Variants in MATCAP1 observed in about 807,000 individuals in gnomAD.
MATCAP1 encodes microtubule associated tyrosine carboxypeptidase 1.
the MATCAP1 span, among the ~76,000 whole-genome samples, chr16:67,182,686 G>A: frequency 6.6e-6 from 1 of 152,202 alleles, no homozygotes; most frequent in African/African-American, 2.4e-5. Flanking sequence ...AACAGAATAT[G>A]TCCTCTGTCT....
the MATCAP1 span, chr16:67,178,320 G>A: frequency 6.3e-7 from 1 of 1,582,316 alleles, no homozygotes; most frequent in Non-Finnish European, 8.6e-7. Context: ...TGCGCGCGGC[G>A]CGGTGGATGG....
chr16:67,176,200 C>CAGG, the MATCAP1 span: 1 of 153,024 alleles, frequency 6.5e-6, no homozygotes, highest in African/African-American at 2.4e-5. This position sits in a 1 kb window ranked among gnomAD's most constrained non-coding sequence, Gnocchi z 4.3. Context: ...ACGGAACCTT[C>CAGG]AGGAGCTGCT....
At chr16:67,177,077 T>G in the MATCAP1 span, 2 of 1,037,938 alleles carry the variant, frequency 1.9e-6, no homozygotes, top group East Asian at 5.6e-5. Flanking sequence ...GCTCCGGGAC[T>G]TCTTCCTCTC....
the MATCAP1 span, chr16:67,179,884 C>T: frequency 1.2e-6 from 2 of 1,614,238 alleles, no homozygotes; most frequent in Non-Finnish European, 1.7e-6. This position sits in a 1 kb window ranked among gnomAD's most constrained non-coding sequence, Gnocchi z 5.2. Flanking sequence ...TGGTGAGCAG[C>T]TGCCCCCCAG....
chr16:67,180,069 C>T, the MATCAP1 span: 1 of 1,614,160 alleles, frequency 6.2e-7, no homozygotes, highest in Non-Finnish European at 8.5e-7. Flanking sequence ...AGAGGCCTCG[C>T]AGTACTTTTC....
At chr16:67,178,559 G>A in the MATCAP1 span, 2 of 1,426,308 alleles carry the variant, frequency 1.4e-6, no homozygotes, top group South Asian at 2.5e-5. Flanking sequence ...GGACCCGCCT[G>A]CGAGCCCAGC....
chr16:67,177,055 C>T, the MATCAP1 span: 3 of 1,315,486 alleles, frequency 2.3e-6, no homozygotes, highest in Non-Finnish European at 3.1e-6. Flanking sequence ...CTGCTTACAG[C>T]TCACAGCCTT....
the MATCAP1 span, chr16:67,178,900 G>C: frequency 2.3e-6 from 1 of 440,802 alleles, no homozygotes; most frequent in Non-Finnish European, 4.2e-6. Context: ...GATGCCCCCG[G>C]TAAAAATCAC....
chr16:67,177,006 G>GC, the MATCAP1 span: 2 of 1,490,352 alleles, frequency 1.3e-6, no homozygotes, highest in Admixed American at 2.3e-5. Context: ...TCAGGCATAG[G>GC]CAGTGGCCCC....
chr16:67,180,038 G>T, the MATCAP1 span: 1 of 1,613,714 alleles, frequency 6.2e-7, no homozygotes, highest in South Asian at 1.1e-5. Context: ...AGGCTGGACT[G>T]ACCTGATGGA....
At chr16:67,177,020 C>G in the MATCAP1 span, 1 of 1,463,894 alleles carries the variant, frequency 6.8e-7, no homozygotes. Context: ...TGGCCCCTGG[C>G]TTTCAGGTAG....
chr16:67,183,112 A>G, the MATCAP1 span: 1 of 151,520 alleles, frequency 6.6e-6, no homozygotes, highest in Non-Finnish European at 1.5e-5. Flanking sequence ...ACTCCTCTCT[A>G]CCCTGCCTAA....
the MATCAP1 span, chr16:67,180,759 CTTGGT>C: frequency 4.3e-6 from 2 of 467,324 alleles, no homozygotes; most frequent in South Asian, 7.2e-5. Context: ...CTGCTGGGCC[CTTGGT>C]GGGCCCAGGC....
At chr16:67,183,298 C>G in the MATCAP1 span, 1 of 152,168 alleles carries the variant, frequency 6.6e-6, no homozygotes, top group Non-Finnish European at 1.5e-5. Flanking sequence ...GTTTTTTTCA[C>G]GTCTCGGGTC....
chr16:67,181,976 C>G, the MATCAP1 span, among the ~76,000 whole-genome samples: 6 of 152,208 alleles, frequency 3.9e-5, no homozygotes, highest in Admixed American at 2.0e-4. Flanking sequence ...GGAGGCCAGG[C>G]AGGGTGGCTC....
At chr16:67,180,094 G>C in the MATCAP1 span, 1 of 1,614,210 alleles carries the variant, frequency 6.2e-7, no homozygotes, top group East Asian at 2.2e-5. Flanking sequence ...ACAGCCGTGG[G>C]CATGGGCTCC....
At chr16:67,183,893 GCC>G in the MATCAP1 span, 1 of 177,290 alleles carries the variant, frequency 5.6e-6, no homozygotes, top group Non-Finnish European at 1.2e-5. Context: ...TCTGCTCGCC[GCC>G]CGCCGCTCCC....
chr16:67,182,147 G>A, the MATCAP1 span, among the ~76,000 whole-genome samples: 5 of 152,040 alleles, frequency 3.3e-5, no homozygotes, highest in East Asian at 5.8e-4. Context: ...TACTCGGGAG[G>A]CTGAGGTAGG....
chr16:67,181,382 T>C, the MATCAP1 span, among the ~76,000 whole-genome samples: 1 of 152,208 alleles, frequency 6.6e-6, no homozygotes, highest in Non-Finnish European at 1.5e-5. Context: ...TCTGTTGAAA[T>C]CCAAATTAGA....
Sources: gnomAD v4.1 joint callset for allele counts (sites outside exome capture counted in the v4.1 genomes callset) on GRCh38, gnomAD v4.1.1 for gene constraint, Gnocchi (gnomAD v3.1) non-coding constraint, MANE v1.5 for transcripts, NCBI Gene and HGNC (gene_info 2026-07-23, HGNC 2026-07-21) for gene names.